ACACB: variants seen among roughly 807,000 people sequenced by gnomAD.
ACACB encodes the protein acetyl-CoA carboxylase 2.
Under a neutral mutation model 278.8 loss-of-function variants are expected in ACACB, and 209 were observed. The ratio of observed to expected loss-of-function variants is 0.75; its 90% confidence interval spans 0.67 to 0.84. The LOEUF (loss-of-function observed/expected upper bound fraction) is 0.84, where lower values mean the gene tolerates loss of function less well. Among genes scored for constraint, ACACB ranks in the 40% least tolerant of loss-of-function variants. The pLI is 0.00. For synonymous variants in ACACB, 1,174 were observed against 1,285.6 expected (o/e 0.91, Z 1.86); for missense variants, 2,850 against 3,269.0 (o/e 0.87, Z 3.13).
At chr12:109,219,183 A>G (rs1253733940) in intron 24 of ACACB, among the ~76,000 whole-genome samples, 1 of 152,200 alleles carries the variant, frequency 6.6e-6, no homozygotes, top group Non-Finnish European at 1.5e-5. Context: ...TGAAAACTAG[A>G]CAATAGGTAC....
At position 109,264,363 on chromosome 12, in the gene ACACB, A is replaced by G. The variant is rs776865424; in HGVS notation, c.6919A>G (p.Met2307Val). The G allele has an allele frequency of 6.2e-7, 1 of 1,613,220 alleles. No homozygotes were observed. The highest frequency in any genetic ancestry group is 1.1e-5 in the South Asian group (1 of 91,050). ...CGACTTCCATGACACACCCGGCCGGATGCTGGAGAAGGGCGTCATATCTGT... is the reference window on the plus strand; with the variant it reads ...CGACTTCCATGACACACCCGGCCGGGTGCTGGAGAAGGGCGTCATATCTGT... ...FADFHDTPGR[M>V]LEKGVISDIL... is the part of the protein sequence containing the mutation. Residue 2307 changes from methionine (M) to valine (V), a missense_variant, in exon 50 of 53, where the codon ATG becomes GTG. Met to Val is a conservative substitution (Grantham distance 21, BLOSUM62 1). Around this residue, in one of 3 missense-constraint regions of ACACB, gnomAD observed 579 missense variants for 684.6 expected, o/e 0.85. Transcript: ENST00000338432.
chr12:109,185,553 C>G (rs745856425), intron 11 of ACACB, 26 bp from the exon 12 acceptor site: 1 of 1,612,216 alleles, frequency 6.2e-7, no homozygotes, highest in Admixed American at 1.7e-5. Flanking sequence ...GACTGACAGT[C>G]TGTGGGTTGG....
intron 2 of ACACB, among the ~76,000 whole-genome samples, chr12:109,152,624 TTTTC>T (rs771783908): frequency 4.1e-5 from 4 of 98,138 alleles, no homozygotes; most frequent in African/African-American, 1.0e-4. Context: ...TGCCTGTGCC[TTTTC>T]TTTCTTTCTT....
chr12:109,242,833 G>A (rs2046838758), intron 37 of ACACB, among the ~76,000 whole-genome samples: 1 of 152,182 alleles, frequency 6.6e-6, no homozygotes, highest in Non-Finnish European at 1.5e-5. Flanking sequence ...GGGCGTGGTG[G>A]CGCATGCCTG....
Position 109,258,360 on chromosome 12 carries a change from C to T in ACACB, c.6356C>T (p.Ala2119Val), listed in dbSNP as rs140894382. The T allele has an allele frequency of 8.1e-6, 13 of 1,610,656 alleles. No homozygotes were observed. Among genetic ancestry groups the T allele is most frequent in the Non-Finnish European group, 1.1e-5 (13 of 1,179,322 alleles). Residue 2119 changes from alanine to valine, a missense_variant, in exon 46 of 53, where the codon GCC becomes GTC. Coordinates refer to ENST00000338432, the MANE Select transcript of ACACB (RefSeq NM_001093.4). ...PADPANLDSE[A>V]KIIQQAGQVW... is the part of the protein sequence containing the mutation. ...GACCCTGCCAACCTGGATTCTGAGG[C>T]CAAGGTGAGGGGGCCGGGAGCTGTG... is the stretch of plus-strand genomic sequence containing the variant.
chr12:109,139,304 G>A, intron 1 of ACACB, 93 bp from the exon 2 acceptor site: 5 of 1,195,818 alleles, frequency 4.2e-6, no homozygotes, highest in Non-Finnish European at 5.8e-6. Context: ...GGAATACACA[G>A]CACCCCAACA....
chr12:109,129,853 CCTTT>C (rs2042779076), intron 1 of ACACB, among the ~76,000 whole-genome samples: 1 of 152,210 alleles, frequency 6.6e-6, no homozygotes, highest in East Asian at 1.9e-4. Flanking sequence ...AAATGTGAAT[CCTTT>C]CTGTCCATGA....
At chr12:109,192,593 C>T (rs141251822) in intron 15 of ACACB, among the ~76,000 whole-genome samples, 364 of 152,182 alleles carry the variant, frequency 2.4e-3, no homozygotes, top group Non-Finnish European at 3.8e-3. Context: ...AGAATAATCA[C>T]CCCCAGTTGA....
intron 36 of ACACB, 37 bp downstream of exon 36, chr12:109,241,318 G>A (rs1340351077): frequency 4.4e-6 from 7 of 1,589,804 alleles, no homozygotes; most frequent in Non-Finnish European, 6.0e-6. Flanking sequence ...CTAAGTCAAA[G>A]CAGAAGCAGG....
At position 109,179,297 on chromosome 12, in the gene ACACB, G is replaced by T; in HGVS notation, c.1647G>T (p.Gln549His). The T allele has an allele frequency of 6.2e-7, 1 of 1,612,684 alleles. No individual in the cohort carries two copies. ...APLAIFEFME[Q>H]CAIRLAKTVG... Reference sequence around the variant, plus strand: ...TGGCCATATTCGAGTTCATGGAGCAGGTACACTTCTCAGAGCCCAGGGGGC... The same window carrying T: ...TGGCCATATTCGAGTTCATGGAGCATGTACACTTCTCAGAGCCCAGGGGGC... The change falls in exon 10 of 53, where the codon CAG becomes CAT. Residue 549 changes from glutamine to histidine, a missense_variant and splice_region_variant. Gln to His is a conservative substitution (Grantham distance 24). Coordinates refer to ENST00000338432, the MANE Select transcript of ACACB (RefSeq NM_001093.4).
intron 12 of ACACB, 98 bp downstream of exon 12, chr12:109,185,838 C>A: frequency 8.1e-7 from 1 of 1,241,548 alleles, no homozygotes; most frequent in South Asian, 1.7e-5. Context: ...ACAAGCTATC[C>A]AGGCATCTCA....
At chr12:109,191,586 A>T in intron 13 of ACACB, 27 bp from the exon 14 acceptor site, 1 of 1,612,870 alleles carries the variant, frequency 6.2e-7, no homozygotes, top group Non-Finnish European at 8.5e-7. Flanking sequence ...GAATTTGGAA[A>T]ATGATCCATG....
intron 2 of ACACB, among the ~76,000 whole-genome samples, chr12:109,152,589 T>G (rs1243401745): frequency 6.6e-6 from 1 of 151,410 alleles, no homozygotes; most frequent in African/African-American, 2.4e-5. Flanking sequence ...GGCCAAGTAC[T>G]TGGCACCCCC....
chr12:109,160,274 G>C (rs1038317428), intron 2 of ACACB, among the ~76,000 whole-genome samples: 5 of 152,158 alleles, frequency 3.3e-5, no homozygotes, highest in African/African-American at 1.2e-4. Flanking sequence ...AGGTCAGCTA[G>C]AGTTGGATTT....
intron 2 of ACACB, among the ~76,000 whole-genome samples, chr12:109,154,522 T>C (rs1273523849): frequency 6.6e-6 from 1 of 151,698 alleles, no homozygotes; most frequent in Non-Finnish European, 1.5e-5. Context: ...GCAGCTCATT[T>C]CGGCTGCCGA....
intron 1 of ACACB, among the ~76,000 whole-genome samples, chr12:109,116,969 T>A (rs1177768595): frequency 6.6e-6 from 1 of 151,854 alleles, no homozygotes; most frequent in Non-Finnish European, 1.5e-5. Flanking sequence ...CAACGTTTTA[T>A]AAACAATTCT....
intron 20 of ACACB, 104 bp downstream of exon 20, chr12:109,206,960 C>T (rs1030263849): frequency 4.2e-5 from 56 of 1,328,832 alleles, no homozygotes; most frequent in Admixed American, 1.9e-4. Context: ...AGAAAATGGT[C>T]GGTCCTCTGT....
intron 52 of ACACB, among the ~76,000 whole-genome samples, 177 bp downstream of exon 52, chr12:109,265,702 C>T (rs1453573937): frequency 2.6e-5 from 4 of 152,196 alleles, no homozygotes; most frequent in African/African-American, 9.6e-5. Flanking sequence ...TGTCGGGTCT[C>T]CCAGCACAGT....
At chr12:109,128,752 CTT>C (rs202074411) in intron 1 of ACACB, among the ~76,000 whole-genome samples, 126 of 139,304 alleles carry the variant, frequency 9.0e-4, no homozygotes, top group African/African-American at 2.5e-3. Context: ...TTGTTGCTTT[CTT>C]TTTTTTTTTT....
Sources: gnomAD v4.1 joint callset for allele counts (sites outside exome capture counted in the v4.1 genomes callset) on GRCh38, gnomAD v4.1.1 for gene constraint, gnomAD v4.1.1 regional missense constraint, MANE v1.5 for transcripts, NCBI Gene and HGNC (gene_info 2026-07-23, HGNC 2026-07-21) for gene names.